The following LINGO2 variants were observed in gnomAD, a reference collection of about 807,000 sequenced individuals.
LINGO2 encodes the protein leucine-rich repeat and immunoglobulin-like domain-containing nogo receptor-interacting protein 2.
In LINGO2, 14 loss-of-function variants were observed where a neutral mutation model predicts 30.6. The ratio of observed to expected loss-of-function variants is 0.46; its 90% confidence interval spans 0.30 to 0.72. The LOEUF (loss-of-function observed/expected upper bound fraction) is 0.72. Among genes scored for constraint, LINGO2 ranks in the 30% least tolerant of loss-of-function variants. LINGO2 has a pLI of 0.07. For missense variants in LINGO2, 729 were observed against 751.7 expected (o/e 0.97, Z 0.35); for synonymous variants, 317 against 288.5 (o/e 1.10, Z -1.00).
At chr9:28,836,408 G>A in the LINGO2 span, among the ~76,000 whole-genome samples, 226 of 152,130 alleles carry the variant, frequency 1.5e-3, no homozygotes, top group African/African-American at 5.1e-3. Context: ...TCCACCTCCC[G>A]GGTTCAAGCA....
chr9:28,149,952 C>T (rs994799764), intron 4 of LINGO2, among the ~76,000 whole-genome samples: 1 of 151,438 alleles, frequency 6.6e-6, no homozygotes, highest in Non-Finnish European at 1.5e-5. Flanking sequence ...TGCCTGGCCT[C>T]CTCACCGTCT....
chr9:28,278,405 A>T (rs1823205375), intron 4 of LINGO2, among the ~76,000 whole-genome samples: 1 of 152,212 alleles, frequency 6.6e-6, no homozygotes, highest in Non-Finnish European at 1.5e-5. Flanking sequence ...ATAGCTAGAG[A>T]GGAATGTCTG....
At chr9:28,019,353 C>A (rs566956262) in intron 4 of LINGO2, among the ~76,000 whole-genome samples, 1 of 147,996 alleles carries the variant, frequency 6.8e-6, no homozygotes, top group African/African-American at 2.5e-5. Context: ...AATGGATTAG[C>A]AAACACATAA....
the LINGO2 span, among the ~76,000 whole-genome samples, chr9:28,898,477 C>T: frequency 0.73 from 110,787 of 151,978 alleles, 40,649 homozygotes; most frequent in Non-Finnish European, 0.78. Flanking sequence ...ACTATTTGCC[C>T]ATGGTAGAGG....
chr9:28,007,394 T>C (rs547987086), intron 5 of LINGO2, among the ~76,000 whole-genome samples: 1 of 152,038 alleles, frequency 6.6e-6, no homozygotes, highest in Admixed American at 6.6e-5. Flanking sequence ...TGAGTAACAG[T>C]CCAGTACCAA....
chr9:28,214,928 G>T (rs960255342), intron 4 of LINGO2, among the ~76,000 whole-genome samples: 5 of 151,606 alleles, frequency 3.3e-5, no homozygotes, highest in African/African-American at 1.2e-4. Context: ...CTAAAAACTG[G>T]TGTTTAAATG....
At chr9:28,841,282 A>AT in the LINGO2 span, among the ~76,000 whole-genome samples, 1 of 151,780 alleles carries the variant, frequency 6.6e-6, no homozygotes, top group Non-Finnish European at 1.5e-5. Context: ...TGGACATAGA[A>AT]TAAGAGCTCA....
the LINGO2 span, among the ~76,000 whole-genome samples, chr9:28,733,398 A>G: frequency 6.6e-6 from 1 of 152,150 alleles, no homozygotes; most frequent in African/African-American, 2.4e-5. Flanking sequence ...TTTATCATAT[A>G]CTGTAAAATC....
At chr9:28,784,048 T>C in the LINGO2 span, among the ~76,000 whole-genome samples, 13 of 152,344 alleles carry the variant, frequency 8.5e-5, no homozygotes, top group East Asian at 2.5e-3. Context: ...CATTCGGGTT[T>C]ATAATTTCAT....
chr9:29,151,392 C>G, the LINGO2 span, among the ~76,000 whole-genome samples: 1 of 152,132 alleles, frequency 6.6e-6, no homozygotes, highest in Non-Finnish European at 1.5e-5. Context: ...GGATCAAAAG[C>G]TATTATATCA....
chr9:28,237,211 T>C (rs901916569), intron 4 of LINGO2, among the ~76,000 whole-genome samples: 5 of 151,822 alleles, frequency 3.3e-5, no homozygotes, highest in African/African-American at 1.2e-4. Flanking sequence ...CTGTCATCTG[T>C]TTAAGATAAT....
the LINGO2 span, among the ~76,000 whole-genome samples, chr9:29,098,453 A>ACACACACACACATATG: frequency 6.6e-6 from 1 of 150,456 alleles, no homozygotes; most frequent in Non-Finnish European, 1.5e-5. Context: ...AGGGATACAC[A>ACACACACACACATATG]CACACACACA....
chr9:28,277,841 A>AC (rs199758602), intron 4 of LINGO2, among the ~76,000 whole-genome samples: 182 of 130,640 alleles, frequency 1.4e-3, no homozygotes, highest in African/African-American at 4.8e-3. Flanking sequence ...ACAAAACAAA[A>AC]AAAAAAAACA....
At chr9:28,361,785 C>T (rs1408125798) in intron 3 of LINGO2, among the ~76,000 whole-genome samples, 10 of 152,034 alleles carry the variant, frequency 6.6e-5, no homozygotes, top group Non-Finnish European at 1.5e-4. Flanking sequence ...TACTTTTTAT[C>T]GCAACTTTAT....
rs1242208496 is a variant in LINGO2 at position 28,610,062 on chromosome 9, AC to A, written c.-365+60137del. On this transcript the variant is annotated intron_variant, in intron 1 of 5. Transcript: ENST00000379992. The stretch of plus-strand genomic sequence containing the variant: ...ACATACCCAACTGTTAATAGTGGTT[AC>A]CCCATTGGAAGGTAGAGACAGAGGC... 6.6e-5 allele frequency among the ~76,000 whole-genome samples: 10 copies of A among 152,198 alleles called. No homozygotes were observed. In the South Asian group the frequency reaches 1.9e-3, roughly 28 times the overall value.
intron 4 of LINGO2, among the ~76,000 whole-genome samples, chr9:28,196,841 C>T (rs945636545): frequency 1.3e-5 from 2 of 151,554 alleles, no homozygotes; most frequent in Non-Finnish European, 3.0e-5. Flanking sequence ...TATGTAGGAG[C>T]CAAAAAAATA....
chr9:28,397,727 T>C (rs2134726366), intron 2 of LINGO2, among the ~76,000 whole-genome samples: 1 of 152,088 alleles, frequency 6.6e-6, no homozygotes, highest in Admixed American at 6.5e-5. Flanking sequence ...TTTTGTATTT[T>C]TAGTAGAGAC....
intron 4 of LINGO2, among the ~76,000 whole-genome samples, chr9:28,207,616 C>A (rs1248774592): frequency 2.0e-5 from 3 of 152,048 alleles, no homozygotes; most frequent in Non-Finnish European, 4.4e-5. Context: ...AATAATCTTT[C>A]TCTTTCTTCA....
intron 4 of LINGO2, among the ~76,000 whole-genome samples, chr9:28,022,917 C>A (rs960159468): frequency 1.3e-4 from 19 of 151,766 alleles, no homozygotes; most frequent in Admixed American, 1.2e-3. Context: ...TGTGACTTAT[C>A]TTAAAAGCTC....
Sources: allele counts gnomAD v4.1 joint callset (sites outside exome capture counted in the v4.1 genomes callset), GRCh38; gene constraint gnomAD v4.1.1; transcripts MANE v1.5; gene names NCBI Gene and HGNC (gene_info 2026-07-23, HGNC 2026-07-21).